Variants in EYA2 observed in about 807,000 individuals in gnomAD.
EYA2 encodes the protein EYA transcriptional coactivator and phosphatase 2, also known as protein phosphatase EYA2.
In EYA2, 31 loss-of-function variants were observed where a neutral mutation model predicts 69.2. That is an observed-to-expected ratio of 0.45 (90% CI 0.34 to 0.60). EYA2 has a LOEUF of 0.60. Among genes scored for constraint, EYA2 ranks in the 20% least tolerant of loss-of-function variants. The probability of loss-of-function intolerance (pLI) is 0.02; values close to 1 mark genes in which losing one functional copy is unlikely to be tolerated. For missense variants in EYA2, 622 were observed against 701.2 expected, an observed-to-expected ratio of 0.89 and a Z score of 1.28; for synonymous variants, 257 against 279.4, an observed-to-expected ratio of 0.92 and a Z score of 0.80.
chr20:46,919,768 G>A (rs1023737990), intron 1 of EYA2, among the ~76,000 whole-genome samples: 2 of 152,202 alleles, frequency 1.3e-5, no homozygotes, highest in African/African-American at 4.8e-5. Flanking sequence ...AACATTTGTT[G>A]CAAGAGGCCT....
At chr20:47,131,919 T>C (rs774201833) in intron 9 of EYA2, among the ~76,000 whole-genome samples, 1 of 152,238 alleles carries the variant, frequency 6.6e-6, no homozygotes, top group Non-Finnish European at 1.5e-5. Flanking sequence ...CCAGGTTTTC[T>C]ATTTATGATC....
At chr20:47,187,754 T>C (rs1340669064) in intron 15 of EYA2, among the ~76,000 whole-genome samples, 1 of 152,246 alleles carries the variant, frequency 6.6e-6, no homozygotes, top group Non-Finnish European at 1.5e-5. Context: ...TTTAACACCA[T>C]GTCAGTGCAC....
chr20:47,120,243 G>T (rs1191141183), intron 9 of EYA2, among the ~76,000 whole-genome samples: 2 of 151,894 alleles, frequency 1.3e-5, no homozygotes, highest in Non-Finnish European at 2.9e-5. Context: ...AGGCATGGTG[G>T]CGTGTGCCTG....
intron 7 of EYA2, among the ~76,000 whole-genome samples, chr20:47,088,163 G>A (rs536858602): frequency 6.6e-5 from 10 of 152,324 alleles, no homozygotes; most frequent in Non-Finnish European, 1.3e-4. Flanking sequence ...GAATCCAGGA[G>A]GCAGAGTTTG....
rs140339364 is a variant in EYA2, at chr20:47,002,671, G to C, written c.155+1198G>C. Reference sequence around the variant, plus strand: ...AAATTGTGCTGCAATGAACATATGCGTGCATGCATCCTTTCTTCCTCCTCT... The same window carrying C: ...AAATTGTGCTGCAATGAACATATGCCTGCATGCATCCTTTCTTCCTCCTCT... On this transcript the variant is annotated intron_variant, in intron 3 of 15. Transcript: ENST00000327619. Among the ~76,000 whole-genome samples the C allele has an allele frequency of 2.6e-5, 4 of 152,212 alleles. No homozygotes were observed. The East Asian group carries it at 7.7e-4, about 29-fold the overall frequency.
rs187567781 is a variant in EYA2, at chr20:47,188,205, A to G, written c.*72A>G. The G allele has an allele frequency of 5.6e-6, 8 of 1,426,944 alleles. No homozygotes were observed. In the Admixed American group the frequency reaches 9.9e-5, roughly 18 times the overall value. 88.4% of individuals were successfully genotyped at this position (1,426,944 alleles called of 1,614,324 possible). A position where few individuals can be genotyped will look rare whatever the true frequency, so the allele number is the denominator to read the frequency against. On this transcript the variant is annotated 3_prime_UTR_variant, in exon 16 of 16. Transcript: ENST00000327619. ...CGCCTTCCCCACCTCCCCACCGAGA[A>G]CTCCAGAGACCCAGATGTTGGACAC... is the stretch of plus-strand genomic sequence containing the variant.
At chr20:47,182,175 C>A (rs752560384) in intron 14 of EYA2, among the ~76,000 whole-genome samples, 1 of 151,900 alleles carries the variant, frequency 6.6e-6, no homozygotes, top group Non-Finnish European at 1.5e-5. Context: ...ACCACTACAC[C>A]GAGCTAATTT....
chr20:47,096,938 A>G, intron 8 of EYA2, 147 bp from the exon 9 acceptor site: 1 of 640,710 alleles, frequency 1.6e-6, no homozygotes, highest in Non-Finnish European at 2.7e-6. Context: ...ATGGGGATTC[A>G]TGACACATCA....
intron 2 of EYA2, among the ~76,000 whole-genome samples, chr20:46,996,638 A>G (rs532472731): frequency 3.9e-5 from 6 of 152,326 alleles, no homozygotes; most frequent in Admixed American, 1.3e-4. Context: ...CTTCGGGTCC[A>G]TAAAGACAGG....
chr20:47,182,365 C>T (rs1360704497), intron 14 of EYA2, among the ~76,000 whole-genome samples: 7 of 150,914 alleles, frequency 4.6e-5, no homozygotes, highest in African/African-American at 7.3e-5. Flanking sequence ...CGGTGGCTCA[C>T]GCCTGTAATC....
chr20:47,019,029 C>T (rs1160476932), intron 5 of EYA2, among the ~76,000 whole-genome samples: 4 of 152,206 alleles, frequency 2.6e-5, no homozygotes, highest in Non-Finnish European at 5.9e-5. Context: ...GAAACTGAGG[C>T]ATAAAATGTT....
At chr20:47,185,426 G>A (rs553083569) in intron 15 of EYA2, among the ~76,000 whole-genome samples, 80 of 151,638 alleles carry the variant, frequency 5.3e-4, no homozygotes, top group African/African-American at 1.8e-3. Context: ...TCAGCCTCCT[G>A]AGTAGCTGGG....
At chr20:47,040,148 A>G (rs1480623639) in intron 5 of EYA2, among the ~76,000 whole-genome samples, 1 of 152,116 alleles carries the variant, frequency 6.6e-6, no homozygotes, top group Non-Finnish European at 1.5e-5. Flanking sequence ...GCAAAGATCA[A>G]ATACTTAATA....
intron 5 of EYA2, among the ~76,000 whole-genome samples, chr20:47,047,304 C>G (rs2030090871): frequency 6.6e-6 from 1 of 152,094 alleles, no homozygotes; most frequent in South Asian, 2.1e-4. Context: ...CAAATGCCCA[C>G]AGGAGTAGGG....
chr20:46,981,391 A>G (rs1980824925), intron 1 of EYA2, among the ~76,000 whole-genome samples: 1 of 152,234 alleles, frequency 6.6e-6, no homozygotes, highest in South Asian at 2.1e-4. Context: ...CTGTAGCTGT[A>G]GCTGACAGCA....
chr20:46,982,598 A>G (rs1980906250), intron 1 of EYA2, among the ~76,000 whole-genome samples: 1 of 151,980 alleles, frequency 6.6e-6, no homozygotes, highest in Non-Finnish European at 1.5e-5. Context: ...ATCTTTTACC[A>G]TGTACCATGT....
intron 1 of EYA2, among the ~76,000 whole-genome samples, chr20:46,919,173 AT>A (rs1423088657): frequency 1.3e-5 from 2 of 152,168 alleles, no homozygotes. Flanking sequence ...GGGTCCTAGG[AT>A]TTTCAGAATG....
intron 5 of EYA2, among the ~76,000 whole-genome samples, chr20:47,037,649 C>T (rs778447822): frequency 3.0e-4 from 45 of 152,186 alleles, no homozygotes; most frequent in South Asian, 1.0e-3. Context: ...TGCCACTAGT[C>T]CTTGGCTTGT....
chr20:46,961,840 A>G (rs909364751), intron 1 of EYA2, among the ~76,000 whole-genome samples: 4 of 152,258 alleles, frequency 2.6e-5, no homozygotes, highest in African/African-American at 9.6e-5. Context: ...GGAAGCAGAA[A>G]GCAGACTGGT....
Sources: gnomAD v4.1 joint callset for allele counts (sites outside exome capture counted in the v4.1 genomes callset) on GRCh38, gnomAD v4.1.1 for gene constraint, MANE v1.5 for transcripts, NCBI Gene and HGNC (gene_info 2026-07-23, HGNC 2026-07-21) for gene names.